OR51B5: variants seen among roughly 807,000 people sequenced by gnomAD.
OR51B5 encodes the protein olfactory receptor 51B5.
For synonymous variants in OR51B5, 186 were observed against 144.8 expected, an observed-to-expected ratio of 1.28 and a Z score of -2.04; for missense variants, 456 against 374.6, an observed-to-expected ratio of 1.22 and a Z score of -1.79.
chr11:5,367,852 A>T (rs1389921748), intron 1 of OR51B5, among the ~76,000 whole-genome samples: 1 of 151,838 alleles, frequency 6.6e-6, no homozygotes, highest in East Asian at 1.9e-4. Flanking sequence ...TCAAAAATGT[A>T]TTTTTTTTCA....
At chr11:5,350,070 C>T (rs1589946259) in intron 1 of OR51B5, among the ~76,000 whole-genome samples, 1 of 152,124 alleles carries the variant, frequency 6.6e-6, no homozygotes, top group South Asian at 2.1e-4. Context: ...CTGACATGTA[C>T]TCACTAGAGA....
intron 1 of OR51B5, among the ~76,000 whole-genome samples, chr11:5,472,551 G>T (rs1851244270): frequency 6.6e-6 from 1 of 152,234 alleles, no homozygotes; most frequent in Admixed American, 6.5e-5. Flanking sequence ...GTTCTGCTAA[G>T]TCCAAGGGCT....
At chr11:5,471,642 A>G (rs1426435992) in intron 1 of OR51B5, among the ~76,000 whole-genome samples, 4 of 151,802 alleles carry the variant, frequency 2.6e-5, no homozygotes, top group Admixed American at 2.0e-4. Context: ...TCTCAAAAAA[A>G]AAAAAAAAAT....
At chr11:5,505,197 G>A (rs1219720126) in intron 1 of OR51B5, among the ~76,000 whole-genome samples, 1 of 152,118 alleles carries the variant, frequency 6.6e-6, no homozygotes, top group African/African-American at 2.4e-5. Context: ...ATGACCCTCA[G>A]GTTTTCTTTG....
chr11:5,372,067 CTTTTT>C (rs1038516352), intron 1 of OR51B5, among the ~76,000 whole-genome samples: 19 of 152,104 alleles, frequency 1.2e-4, no homozygotes, highest in African/African-American at 4.6e-4. Flanking sequence ...CCCCCATCTC[CTTTTT>C]TAAGGCTGAA....
At chr11:5,349,089 G>C (rs181863574) in intron 1 of OR51B5, among the ~76,000 whole-genome samples, 470 of 152,282 alleles carry the variant, frequency 3.1e-3, no homozygotes, top group Non-Finnish European at 5.1e-3. Flanking sequence ...AAAAACTCAA[G>C]TCTATTCTAT....
chr11:5,503,590 C>T (rs975105171), intron 1 of OR51B5, among the ~76,000 whole-genome samples: 4 of 152,024 alleles, frequency 2.6e-5, no homozygotes, highest in Non-Finnish European at 4.4e-5. Flanking sequence ...GAAAAATAGA[C>T]AAAATTAGCC....
intron 1 of OR51B5, among the ~76,000 whole-genome samples, chr11:5,352,918 T>C (rs1849124416): frequency 6.7e-6 from 1 of 148,790 alleles, no homozygotes; most frequent in East Asian, 2.0e-4. Flanking sequence ...TATGAACCAA[T>C]TATATATATA....
At chr11:5,368,586 A>G (rs1362604799) in intron 1 of OR51B5, among the ~76,000 whole-genome samples, 2 of 151,940 alleles carry the variant, frequency 1.3e-5, no homozygotes, top group Non-Finnish European at 2.9e-5. Context: ...CTCTCTCACA[A>G]TCGTAATACT....
At chr11:5,417,963 G>T (rs1233594040) in intron 1 of OR51B5, among the ~76,000 whole-genome samples, 1 of 147,696 alleles carries the variant, frequency 6.8e-6, no homozygotes, top group South Asian at 2.3e-4. Context: ...ACATGCACAC[G>T]TATGTTTATT....
At chr11:5,431,090 G>A in intron 1 of OR51B5, 1 of 434,090 alleles carries the variant, frequency 2.3e-6, no homozygotes, top group Non-Finnish European at 4.7e-6. Context: ...ACATTAGTGT[G>A]GCAATAGGGC....
At chr11:5,429,892 C>T (rs1053100257) in intron 1 of OR51B5, among the ~76,000 whole-genome samples, 1 of 152,276 alleles carries the variant, frequency 6.6e-6, no homozygotes, top group Admixed American at 6.5e-5. Flanking sequence ...GTAGCCTGGG[C>T]ATTGTGACAT....
At chr11:5,362,609 GGCAAAATGGA>G (rs71820454) in intron 1 of OR51B5, 65,969 of 173,556 alleles carry the variant, frequency 0.38, 13,230 homozygotes, top group Non-Finnish European at 0.4. Flanking sequence ...AGCCTGCTGG[GGCAAAATGGA>G]GCTCAAGGCC....
chr11:5,478,048 T>A (rs2133806001), intron 1 of OR51B5, among the ~76,000 whole-genome samples: 1 of 151,968 alleles, frequency 6.6e-6, no homozygotes, highest in Admixed American at 6.5e-5. Flanking sequence ...AGGCTCCACC[T>A]CTGGGGGCAG....
At chr11:5,490,186 T>TA (rs1195227316) in intron 1 of OR51B5, among the ~76,000 whole-genome samples, 8 of 152,188 alleles carry the variant, frequency 5.3e-5, no homozygotes, top group Admixed American at 1.3e-4. Context: ...TAAATGGGGA[T>TA]AAAAATAACA....
chr11:5,351,539 A>G, intron 1 of OR51B5: 2 of 1,613,466 alleles, frequency 1.2e-6, no homozygotes, highest in Non-Finnish European at 8.5e-7. Context: ...TCCACCTTCC[A>G]GCTTACTGGC....
intron 1 of OR51B5, among the ~76,000 whole-genome samples, chr11:5,432,218 A>G (rs543191483): frequency 6.6e-6 from 1 of 152,214 alleles, no homozygotes; most frequent in African/African-American, 2.4e-5. Context: ...TCTACACTCT[A>G]CCTACATGAT....
downstream of OR51B5, chr11:5,341,489 C>T (rs1009212823): frequency 2.0e-5 from 3 of 152,190 alleles, no homozygotes; most frequent in African/African-American, 7.2e-5. Context: ...TCTTGTCTCA[C>T]TGAAGTATTA....
At chr11:5,432,520 A>T (rs1589993580) in intron 1 of OR51B5, among the ~76,000 whole-genome samples, 1 of 152,320 alleles carries the variant, frequency 6.6e-6, no homozygotes, top group East Asian at 1.9e-4. Context: ...TGAGAAAATT[A>T]ATGTCACATA....
Sources: allele counts gnomAD v4.1 joint callset (sites outside exome capture counted in the v4.1 genomes callset), GRCh38; gene constraint gnomAD v4.1.1; transcripts MANE v1.5; gene names NCBI Gene and HGNC (gene_info 2026-07-23, HGNC 2026-07-21).